WDHD1: variants seen among roughly 807,000 people sequenced by gnomAD.
WDHD1 encodes the protein WD repeat and HMG-box DNA-binding protein 1.
Under a neutral mutation model 135.4 loss-of-function variants are expected in WDHD1, and 111 were observed. The observed-to-expected ratio is 0.82, with a 90% CI of 0.70 to 0.96. The LOEUF (loss-of-function observed/expected upper bound fraction) is 0.96, where lower values mean the gene tolerates loss of function less well. Ranked by LOEUF, WDHD1 falls within the 40% of genes least tolerant of loss-of-function variation. The pLI, the probability that WDHD1 is intolerant of heterozygous loss-of-function variation, is 0.00. For synonymous variants in WDHD1, 434 were observed against 439.0 expected, an observed-to-expected ratio of 0.99 and a Z score of 0.14; for missense variants, 1,351 against 1,336.3, an observed-to-expected ratio of 1.01 and a Z score of -0.17.
chr14:54,963,281 T>A, intron 18 of WDHD1, 109 bp from the exon 19 acceptor site: 1 of 799,364 alleles, frequency 1.3e-6, no homozygotes, highest in Admixed American at 2.7e-5. Context: ...AGCTACTCTA[T>A]CTCCCTAATT....
chr14:54,945,790 C>T (rs1007999844), intron 24 of WDHD1, among the ~76,000 whole-genome samples: 5 of 152,170 alleles, frequency 3.3e-5, no homozygotes, highest in African/African-American at 1.2e-4. Context: ...CCACTCGCCT[C>T]GGCCTCCCAA....
In WDHD1 at chr14:55,000,566, C is replaced by T. The variant is rs760550603; in HGVS notation, c.879G>A (p.Ala293=). The T allele has an allele frequency of 1.2e-5, 19 of 1,609,432 alleles. No individual in the cohort carries two copies. Among genetic ancestry groups the T allele is most frequent in the East Asian group, 4.5e-5 (2 of 44,562 alleles). ...PTCGRISYTD[A]EGNLGLLENV... ...TCTCTAGAAGCCCTAGATTTCCTTC[C>T]GCATCAGTATACGATATTCGACCAC... Residue 293 remains alanine (A), a synonymous_variant, in exon 10 of 26, where the codon GCG becomes GCA. Transcript: ENST00000360586.
chr14:54,961,767 G>A (rs774190937), intron 21 of WDHD1, among the ~76,000 whole-genome samples: 33 of 152,000 alleles, frequency 2.2e-4, no homozygotes, highest in Non-Finnish European at 4.6e-4. Context: ...CACCAAAAAA[G>A]GGCCAGCAGT....
At chr14:54,949,777 A>C (rs553387872) in intron 24 of WDHD1, among the ~76,000 whole-genome samples, 1 of 152,270 alleles carries the variant, frequency 6.6e-6, no homozygotes, top group Non-Finnish European at 1.5e-5. Context: ...GAAGCCCATC[A>C]GACTAACAGC....
intron 17 of WDHD1, 102 bp downstream of exon 17, chr14:54,967,178 G>A: frequency 1.0e-6 from 1 of 969,400 alleles, no homozygotes. Flanking sequence ...TAATTATACA[G>A]TAATGAATAT....
chr14:54,994,327 A>C (rs1189776789), intron 11 of WDHD1, among the ~76,000 whole-genome samples: 2 of 152,206 alleles, frequency 1.3e-5, no homozygotes, highest in East Asian at 3.8e-4. Flanking sequence ...AAAGTTATTC[A>C]TAATATTGCC....
intron 24 of WDHD1, among the ~76,000 whole-genome samples, chr14:54,952,529 G>A (rs533983500): frequency 9.2e-5 from 14 of 152,330 alleles, no homozygotes; most frequent in African/African-American, 3.4e-4. Flanking sequence ...CACGCTCATG[G>A]ATAGGAAGAA....
At chr14:54,962,596 A>C in intron 20 of WDHD1, 45 bp from the exon 21 acceptor site, 1 of 1,544,290 alleles carries the variant, frequency 6.5e-7, no homozygotes, top group African/African-American at 1.4e-5. Context: ...GGGAAAATAT[A>C]GTCATCCTCA....
intron 7 of WDHD1, chr14:55,005,123 G>C: frequency 1.9e-6 from 1 of 534,134 alleles, no homozygotes; most frequent in Non-Finnish European, 3.7e-6. Flanking sequence ...CCTCCCACAG[G>C]AAATGGTGCC....
Position 54,944,397 on chromosome 14 carries a change from C to A in WDHD1, c.3124G>T (p.Asp1042Tyr), listed in dbSNP as rs1454075127. 1.9e-6 allele frequency: 3 copies of A among 1,608,466 alleles called. No individual in the cohort carries two copies. The highest frequency in any genetic ancestry group is 2.7e-5 in the African/African-American group (2 of 74,606). ...NILSDNPDFSDEADIIKEGMI... is the reference protein window; with the variant it reads ...NILSDNPDFSYEADIIKEGMI... The stretch of plus-strand genomic sequence containing the variant: ...CCTTCTTTTATTATGTCTGCTTCAT[C>A]TGAAAAGTCAGGATTGTCAGACAAA... The change falls in exon 25 of 26, where the codon GAT becomes TAT. Residue 1042 changes from aspartate (D) to tyrosine (Y), a missense_variant. By Grantham distance (160) the Asp-to-Tyr change is radical (BLOSUM62 -3). Transcript: ENST00000360586.
At chr14:55,007,128 T>G in intron 7 of WDHD1, 152 bp downstream of exon 7, 1 of 569,266 alleles carries the variant, frequency 1.8e-6, no homozygotes, top group Non-Finnish European at 3.0e-6. Flanking sequence ...CTCGGGAGGC[T>G]GAGGCAGGAG....
chr14:55,020,416 C>T (rs144697505), intron 2 of WDHD1, among the ~76,000 whole-genome samples: 11 of 152,194 alleles, frequency 7.2e-5, no homozygotes, highest in Non-Finnish European at 1.3e-4. Context: ...CTTCATTTGG[C>T]TTCTAAACAT....
intron 21 of WDHD1, 149 bp from the exon 22 acceptor site, chr14:54,957,784 T>C (rs2041184692): frequency 4.7e-6 from 3 of 632,438 alleles, no homozygotes; most frequent in Non-Finnish European, 8.0e-6. Flanking sequence ...AGATATCCTC[T>C]TTCCTACTTC....
intron 21 of WDHD1, among the ~76,000 whole-genome samples, chr14:54,961,260 G>A (rs2041247368): frequency 6.6e-6 from 1 of 152,002 alleles, no homozygotes; most frequent in African/African-American, 2.4e-5. Context: ...GGGATGTGGA[G>A]GTGAGGAAAT....
At chr14:55,027,004 C>T (rs974336331) in intron 1 of WDHD1, 24 bp downstream of exon 1, 1 of 546,790 alleles carries the variant, frequency 1.8e-6, no homozygotes, top group Non-Finnish European at 3.3e-6. Context: ...TTGGTGGACG[C>T]GGGCAGCCGG....
intron 10 of WDHD1, among the ~76,000 whole-genome samples, chr14:54,998,473 C>T (rs1441757956): frequency 6.6e-6 from 1 of 152,030 alleles, no homozygotes; most frequent in Admixed American, 6.6e-5. Flanking sequence ...ACCAATGTTA[C>T]ACATGCATAT....
At chr14:55,001,398 C>CT (rs1163850249) in intron 8 of WDHD1, among the ~76,000 whole-genome samples, 1 of 151,816 alleles carries the variant, frequency 6.6e-6, no homozygotes, top group East Asian at 1.9e-4. Flanking sequence ...GTAGCTAGGG[C>CT]TACAGGCATG....
chr14:55,025,301 C>T (rs982975995), intron 2 of WDHD1, among the ~76,000 whole-genome samples: 5 of 150,402 alleles, frequency 3.3e-5, no homozygotes, highest in African/African-American at 1.2e-4. Flanking sequence ...ACACATCCCC[C>T]TCTTCGAGAA....
In WDHD1 at chr14:55,008,643, A is replaced by T. The variant is rs186286670; in HGVS notation, c.418T>A (p.Leu140Ile). Residue 140 changes from leucine (L) to isoleucine (I), a missense_variant, in exon 5 of 26, where the codon TTA becomes ATA. Around this residue, in one of 2 missense-constraint regions of WDHD1, gnomAD observed 1,330 missense variants for 1,296.1 expected, o/e 1.03. Coordinates refer to ENST00000360586, the MANE Select transcript of WDHD1 (RefSeq NM_007086.4). ...KTFRGHDAPV[L>I]SLSFDPKDIF... ...TCCTTAGGATCAAAGGAAAGACTTA[A>T]AACAGGGGCATCATGTCCTCGAAAT... 8.7e-6 allele frequency: 14 copies of T among 1,612,554 alleles called. No homozygotes were observed. In the Admixed American group the frequency reaches 2.0e-4, roughly 23 times the overall value.
Sources: gnomAD v4.1 joint callset for allele counts (sites outside exome capture counted in the v4.1 genomes callset) on GRCh38, gnomAD v4.1.1 for gene constraint, gnomAD v4.1.1 regional missense constraint, MANE v1.5 for transcripts, NCBI Gene and HGNC (gene_info 2026-07-23, HGNC 2026-07-21) for gene names.